The following LTBP1 variants were observed in gnomAD, a reference collection of about 807,000 sequenced individuals.
LTBP1 encodes latent-transforming growth factor beta-binding protein 1.
LTBP1 carries 129 observed loss-of-function variants against 207.6 expected under a neutral mutation model. The ratio of observed to expected loss-of-function variants is 0.62; its 90% confidence interval spans 0.54 to 0.72. The LOEUF is 0.72. Ranked by LOEUF, LTBP1 falls within the 30% of genes least tolerant of loss-of-function variation. The probability of loss-of-function intolerance (pLI) is 0.00; values close to 1 mark genes in which losing one functional copy is unlikely to be tolerated. For synonymous variants in LTBP1, 963 were observed against 833.7 expected, an observed-to-expected ratio of 1.16 and a Z score of -2.67; for missense variants, 2,281 against 2,217.2, an observed-to-expected ratio of 1.03 and a Z score of -0.58.
At position 33,252,651 on chromosome 2, in the gene LTBP1, T is replaced by C. The variant is rs548732721; in HGVS notation, c.2000-26T>C. The C allele has an allele frequency of 3.2e-6, 5 of 1,586,010 alleles. No individual in the cohort carries two copies. In the East Asian group the frequency reaches 1.1e-4, roughly 36 times the overall value. On this transcript the variant is annotated intron_variant, in intron 10 of 33. Coordinates refer to ENST00000404816, the MANE Select transcript of LTBP1 (RefSeq NM_206943.4). ...AATGTAGTTTTGGTTTCTCATGTAATGTCGGGCTTTATCTCTCTGCTTCAG... is the reference window on the plus strand; with the variant it reads ...AATGTAGTTTTGGTTTCTCATGTAACGTCGGGCTTTATCTCTCTGCTTCAG...
At chr2:33,223,919 A>T (rs1488929317) in intron 9 of LTBP1, among the ~76,000 whole-genome samples, 1 of 152,206 alleles carries the variant, frequency 6.6e-6, no homozygotes, top group Non-Finnish European at 1.5e-5. Context: ...CTAAATGATT[A>T]ACTGTCCTAC....
rs899082879 is a variant in LTBP1 at position 33,318,940 on chromosome 2, A to T, written c.3730+3671A>T. 5.3e-5 allele frequency among the ~76,000 whole-genome samples: 8 copies of T among 152,144 alleles called. No individual in the cohort carries two copies. The South Asian group carries it at 1.2e-3, about 24-fold the overall frequency. On this transcript the variant is annotated intron_variant, in intron 24 of 33. Coordinates refer to ENST00000404816, the MANE Select transcript of LTBP1 (RefSeq NM_206943.4). ...CAAGACTCTGTCTCTACAAAGAAAA[A>T]TTTTTTTTAATTAGCTGGACATGGT...
chr2:33,194,890 G>A (rs990933006), intron 7 of LTBP1, among the ~76,000 whole-genome samples: 1 of 152,224 alleles, frequency 6.6e-6, no homozygotes, highest in Non-Finnish European at 1.5e-5. Context: ...TTTAGTTGCA[G>A]CCAGTGCTCA....
At chr2:33,305,819 G>T (rs2094080821) in intron 22 of LTBP1, among the ~76,000 whole-genome samples, 1 of 152,146 alleles carries the variant, frequency 6.6e-6, no homozygotes, top group Admixed American at 6.5e-5. Flanking sequence ...GAATCCAAGA[G>T]AAGAAAGTGT....
intron 7 of LTBP1, among the ~76,000 whole-genome samples, chr2:33,192,080 A>G (rs1038450422): frequency 2.0e-5 from 3 of 152,214 alleles, no homozygotes; most frequent in Non-Finnish European, 4.4e-5. Flanking sequence ...AGGGAGAGTA[A>G]TTGAACAGAG....
chr2:33,218,986 C>G (rs576190024), intron 8 of LTBP1, among the ~76,000 whole-genome samples: 1 of 152,216 alleles, frequency 6.6e-6, no homozygotes, highest in East Asian at 1.9e-4. Context: ...CATTAGTATT[C>G]CATATCTCTT....
At chr2:33,202,771 C>T (rs1573152651) in intron 7 of LTBP1, among the ~76,000 whole-genome samples, 2 of 152,182 alleles carry the variant, frequency 1.3e-5, no homozygotes. Context: ...GGCCACATGC[C>T]CTTATGGATA....
At chr2:33,168,269 G>C (rs1349590313) in intron 5 of LTBP1, among the ~76,000 whole-genome samples, 1 of 151,986 alleles carries the variant, frequency 6.6e-6, no homozygotes, top group African/African-American at 2.4e-5. Context: ...TGTAGTCCTA[G>C]CTACTTGGGA....
At chr2:33,257,618 T>A in intron 12 of LTBP1, 107 bp downstream of exon 12, 1 of 918,286 alleles carries the variant, frequency 1.1e-6, no homozygotes, top group Non-Finnish European at 1.7e-6. Flanking sequence ...CTAAGCACTA[T>A]TGGCATTTTA....
chr2:33,212,769 A>G (rs957183955), intron 7 of LTBP1, among the ~76,000 whole-genome samples: 5 of 152,264 alleles, frequency 3.3e-5, no homozygotes, highest in Admixed American at 2.6e-4. Flanking sequence ...AAAATGCTCC[A>G]GAATCCAAAA....
At chr2:33,336,936 T>A (rs1373895985) in intron 24 of LTBP1, among the ~76,000 whole-genome samples, 1 of 152,252 alleles carries the variant, frequency 6.6e-6, no homozygotes, top group African/African-American at 2.4e-5. Flanking sequence ...ACATAGACTT[T>A]TCTGCATGTA....
chr2:32,947,858 G>C, intron 1 of LTBP1, 40 bp downstream of exon 1: 1 of 1,273,640 alleles, frequency 7.9e-7, no homozygotes, highest in East Asian at 3.2e-5. Context: ...CCCGCCTCGC[G>C]CGCACCGCCC....
At chr2:33,168,399 CAAAA>C (rs10616798) in intron 5 of LTBP1, among the ~76,000 whole-genome samples, 6 of 103,798 alleles carry the variant, frequency 5.8e-5, no homozygotes, top group Admixed American at 1.0e-4. Context: ...GTCTTTGTCT[CAAAA>C]AAAAAAAAAA....
Position 33,397,086 on chromosome 2 carries a change from T to C in LTBP1, c.4835-47T>C, listed in dbSNP as rs191513615. 577 of 1,574,302 alleles carry C rather than the reference T, an allele frequency of 3.7e-4. 2 individuals carry two copies. In the African/African-American group the frequency reaches 6.2e-3, roughly 17 times the overall value. Reference sequence around the variant, plus strand: ...TCTAAATATCATTTACAAAATGATATAGGAAGTTGAGAAGCTCTAACTTAG... The same window carrying C: ...TCTAAATATCATTTACAAAATGATACAGGAAGTTGAGAAGCTCTAACTTAG... On this transcript the variant is annotated intron_variant, in intron 32 of 33. Transcript: ENST00000404816.
intron 8 of LTBP1, among the ~76,000 whole-genome samples, chr2:33,218,067 G>T (rs1558832952): frequency 6.6e-6 from 1 of 152,170 alleles, no homozygotes; most frequent in Non-Finnish European, 1.5e-5. Context: ...AACTTATGTT[G>T]TAGTTTTTGT....
intron 3 of LTBP1, among the ~76,000 whole-genome samples, chr2:33,051,426 A>G (rs925409789): frequency 6.6e-6 from 1 of 151,834 alleles, no homozygotes; most frequent in Non-Finnish European, 1.5e-5. Context: ...CTAAAATAAG[A>G]AAAAAAACAC....
chr2:33,259,665 T>C, intron 13 of LTBP1, 55 bp downstream of exon 13: 1 of 1,522,530 alleles, frequency 6.6e-7, no homozygotes, highest in South Asian at 1.2e-5. Context: ...AGTGATTTTC[T>C]ATTAGAATAT....
chr2:33,185,866 G>T (rs2087138458), intron 5 of LTBP1, among the ~76,000 whole-genome samples: 1 of 152,180 alleles, frequency 6.6e-6, no homozygotes, highest in South Asian at 2.1e-4. Context: ...ATTTAAAGAG[G>T]GTAGAAGCTG....
intron 9 of LTBP1, among the ~76,000 whole-genome samples, chr2:33,229,523 A>G (rs2091665788): frequency 6.6e-6 from 1 of 152,190 alleles, no homozygotes; most frequent in Non-Finnish European, 1.5e-5. Context: ...AGGGAGAGAA[A>G]GTTGTACAAT....
Sources: gnomAD v4.1 joint callset for allele counts (sites outside exome capture counted in the v4.1 genomes callset) on GRCh38, gnomAD v4.1.1 for gene constraint, MANE v1.5 for transcripts, NCBI Gene and HGNC (gene_info 2026-07-23, HGNC 2026-07-21) for gene names.